The following KCNS3 variants were observed in gnomAD, a reference collection of about 807,000 sequenced individuals.
KCNS3 encodes potassium voltage-gated channel modifier subfamily S member 3.
KCNS3 carries 13 observed loss-of-function variants against 31.0 expected under a neutral mutation model. The observed-to-expected ratio is 0.42, with a 90% CI of 0.27 to 0.67. KCNS3 has a LOEUF of 0.67. KCNS3 is among the 30% of genes least tolerant of loss of function. The pLI is 0.25. For missense variants in KCNS3, 545 were observed against 622.4 expected (o/e 0.88, Z 1.32); for synonymous variants, 238 against 241.5 (o/e 0.99, Z 0.13).
chr2:17,931,168 C>G lies in KCNS3; in HGVS notation c.160C>G (p.Leu54Val), dbSNP rs900726352. ...LLTCHSEEAILELCDDYSVAD... is the reference protein window; with the variant it reads ...LLTCHSEEAIVELCDDYSVAD... Reference sequence around the variant, plus strand: ...TACTTGCCATTCTGAAGAGGCCATTCTGGAGCTGTGTGATGATTACAGTGT... The same window carrying G: ...TACTTGCCATTCTGAAGAGGCCATTGTGGAGCTGTGTGATGATTACAGTGT... The change falls in exon 3 of 3, where the codon CTG (leucine) becomes GTG (valine). Residue 54 changes from leucine to valine, a missense_variant. Transcript: ENST00000304101. The surrounding 1 kb of genome is among the most constrained non-coding windows in gnomAD (Gnocchi z 5.4). The G allele has an allele frequency of 3.1e-6, 5 of 1,614,180 alleles. No homozygotes were observed. Among genetic ancestry groups the G allele is most frequent in the Non-Finnish European group, 4.2e-6 (5 of 1,180,030 alleles).
chr2:17,879,266 A>G (rs1674583835), intron 1 of KCNS3: 1 of 151,880 alleles, frequency 6.6e-6, no homozygotes, highest in Non-Finnish European at 1.5e-5. Context: ...CCCTTCCTCG[A>G]GAGGAGGCGC....
intron 1 of KCNS3, among the ~76,000 whole-genome samples, chr2:17,887,167 A>G (rs1461644128): frequency 6.6e-6 from 1 of 152,050 alleles, no homozygotes; most frequent in Non-Finnish European, 1.5e-5. Flanking sequence ...ATTTGGTTAC[A>G]TGAGTAAGTT....
At chr2:17,902,051 T>C (rs1424249191) in intron 1 of KCNS3, among the ~76,000 whole-genome samples, 2 of 151,940 alleles carry the variant, frequency 1.3e-5, no homozygotes, top group Admixed American at 6.6e-5. Flanking sequence ...GGACACAGAG[T>C]TTCACAGAAA....
chr2:17,932,108 G>C lies in KCNS3; in HGVS notation c.1100G>C (p.Ser367Thr). 2 of 1,614,044 alleles carry C rather than the reference G, an allele frequency of 1.2e-6. No homozygotes were observed. The highest frequency in any genetic ancestry group is 1.7e-6 in the Non-Finnish European group (2 of 1,180,016). Reference protein sequence around the residue: ...IPICWWWATISMTTVGYGDTH... With the variant: ...IPICWWWATITMTTVGYGDTH... ...ATCTGCTGGTGGTGGGCCACCATCA[G>C]CATGACAACTGTGGGCTATGGAGAC... The change falls in exon 3 of 3, where the codon AGC becomes ACC. Residue 367 changes from serine (S) to threonine (T), a missense_variant. By Grantham distance (58) the Ser-to-Thr change is moderately conservative. Coordinates refer to ENST00000304101, the MANE Select transcript of KCNS3 (RefSeq NM_002252.5).
intron 1 of KCNS3, among the ~76,000 whole-genome samples, chr2:17,886,782 A>AT: frequency 6.6e-6 from 1 of 151,260 alleles, no homozygotes; most frequent in African/African-American, 2.4e-5. Flanking sequence ...CCATCCATCC[A>AT]CCCACCCACC....
chr2:17,893,966 T>TA lies in KCNS3; in HGVS notation c.-252+15162dup, dbSNP rs1661925198. 3.7e-5 allele frequency among the ~76,000 whole-genome samples: 5 copies of TA among 136,562 alleles called. No individual in the cohort carries two copies. In the South Asian group the frequency reaches 9.6e-4, roughly 26 times the overall value. The allele number at this position is 136,562 out of a possible 152,430, so 89.6% of individuals were successfully genotyped here. A position where few individuals can be genotyped will look rare whatever the true frequency, so the allele number is the denominator to read the frequency against. ...TTTTTTTTTTTTTTTTTTTTTTTTT[T>TA]AATATATCTATGTATGGGGGTTTGA... is the stretch of plus-strand genomic sequence containing the variant. On this transcript the variant is annotated intron_variant, in intron 1 of 2. Coordinates refer to ENST00000304101, the MANE Select transcript of KCNS3 (RefSeq NM_002252.5).
At chr2:17,879,807 G>A (rs910458882) in intron 1 of KCNS3, among the ~76,000 whole-genome samples, 1 of 152,246 alleles carries the variant, frequency 6.6e-6, no homozygotes. Flanking sequence ...AGCAGGGGCA[G>A]AGGACAGCAA....
intron 1 of KCNS3, among the ~76,000 whole-genome samples, chr2:17,899,100 C>T (rs1000715722): frequency 6.6e-6 from 1 of 152,082 alleles, no homozygotes; most frequent in Admixed American, 6.6e-5. Context: ...ATGGAGCACA[C>T]CTGTATTCCC....
rs375479088 is a variant in KCNS3 at position 17,931,233 on chromosome 2, G to A, written c.225G>A (p.Leu75=). The A allele has an allele frequency of 1.9e-6, 3 of 1,614,104 alleles. No homozygotes were observed. The highest frequency in any genetic ancestry group is 1.1e-5 in the South Asian group (1 of 91,080). The change falls in exon 3 of 3, where the codon TTG becomes TTA. Residue 75 remains leucine, a synonymous_variant. Transcript: ENST00000304101. This position sits in a 1 kb window ranked among gnomAD's most constrained non-coding sequence, Gnocchi z 5.4. ...KEYYFDRNPS[L]FRYVLNFYYT... The stretch of plus-strand genomic sequence containing the variant: ...ACTACTTTGATCGGAATCCCTCCTT[G>A]TTCAGATATGTTTTGAATTTTTATT...
chr2:17,919,521 G>A (rs1284268993), intron 2 of KCNS3: 1 of 152,048 alleles, frequency 6.6e-6, no homozygotes, highest in Non-Finnish European at 1.5e-5. Flanking sequence ...CCTCTTTTTT[G>A]CTAGTTGATG....
chr2:17,891,629 C>T (rs1014677906), intron 1 of KCNS3, among the ~76,000 whole-genome samples: 6 of 152,104 alleles, frequency 3.9e-5, no homozygotes, highest in African/African-American at 7.2e-5. Context: ...TTGGTAATGG[C>T]GAATTCTCTC....
intron 1 of KCNS3, among the ~76,000 whole-genome samples, chr2:17,895,999 A>G (rs1662015908): frequency 6.6e-6 from 1 of 152,152 alleles, no homozygotes; most frequent in Non-Finnish European, 1.5e-5. Context: ...TTGAAGATTT[A>G]CATAGAGTAT....
At chr2:17,922,002 G>A (rs1401173015) in intron 2 of KCNS3, among the ~76,000 whole-genome samples, 2 of 138,782 alleles carry the variant, frequency 1.4e-5, no homozygotes, top group African/African-American at 5.4e-5. Context: ...TTAGAATCAG[G>A]ATCTGTACAA....
chr2:17,907,536 T>C (rs1211626223), intron 1 of KCNS3, among the ~76,000 whole-genome samples: 1 of 152,234 alleles, frequency 6.6e-6, no homozygotes. Flanking sequence ...CGTTAGTTGA[T>C]GCAGTTTATT....
chr2:17,902,334 CTGTGTG>C (rs61498649), intron 1 of KCNS3, among the ~76,000 whole-genome samples: 27,113 of 149,472 alleles, frequency 0.18, 2,736 homozygotes, highest in Non-Finnish European at 0.23. Context: ...GGTTGGGAGA[CTGTGTG>C]TGTGTGTGTG....
In KCNS3 at chr2:17,931,063, C is replaced by G; in HGVS notation, c.55C>G (p.Leu19Val). The G allele has an allele frequency of 6.2e-7, 1 of 1,614,054 alleles. No individual in the cohort carries two copies. Among genetic ancestry groups the G allele is most frequent in the South Asian group, 1.1e-5 (1 of 91,064 alleles). Reference sequence around the variant, plus strand: ...TGGACAAGACGAGGAACTTGTCAACCTGAATGTGGGGGGCTTTAAGCAGTC... The same window carrying G: ...TGGACAAGACGAGGAACTTGTCAACGTGAATGTGGGGGGCTTTAAGCAGTC... ...RPGQDEELVN[L>V]NVGGFKQSVD... Residue 19 changes from leucine to valine, a missense_variant, in exon 3 of 3, where the codon CTG becomes GTG. Transcript: ENST00000304101. This position sits in a 1 kb window ranked among gnomAD's most constrained non-coding sequence, Gnocchi z 5.4.
At chr2:17,888,131 G>T (rs537423104) in intron 1 of KCNS3, among the ~76,000 whole-genome samples, 1 of 152,214 alleles carries the variant, frequency 6.6e-6, no homozygotes, top group African/African-American at 2.4e-5. Flanking sequence ...TCTGTGGGTT[G>T]TCTGTTTACT....
At chr2:17,905,425 C>T (rs1662290827) in intron 1 of KCNS3, among the ~76,000 whole-genome samples, 1 of 152,148 alleles carries the variant, frequency 6.6e-6, no homozygotes, top group African/African-American at 2.4e-5. Context: ...ATTTGACTTC[C>T]TCTTTTCCTA....
chr2:17,899,713 A>G (rs1443689309), intron 1 of KCNS3, among the ~76,000 whole-genome samples: 1 of 152,224 alleles, frequency 6.6e-6, no homozygotes, highest in Non-Finnish European at 1.5e-5. Flanking sequence ...AGCACTATAT[A>G]AAGGTTTTCC....
Sources: allele counts gnomAD v4.1 joint callset (sites outside exome capture counted in the v4.1 genomes callset), GRCh38; gene constraint gnomAD v4.1.1; non-coding constraint Gnocchi (gnomAD v3.1); transcripts MANE v1.5; gene names NCBI Gene and HGNC (gene_info 2026-07-23, HGNC 2026-07-21).